TTC29: variants seen among roughly 807,000 people sequenced by gnomAD.
TTC29 encodes the protein tetratricopeptide repeat protein 29.
In TTC29, 49 loss-of-function variants were observed where a neutral mutation model predicts 58.1. That is an observed-to-expected ratio of 0.84 (90% CI 0.67 to 1.07). The LOEUF is 1.07. Among genes scored for constraint, TTC29 ranks in the 50% least tolerant of loss-of-function variants. TTC29 has a pLI of 0.00. For synonymous variants in TTC29, 209 were observed against 196.8 expected (o/e 1.06, Z -0.52); for missense variants, 582 against 555.6 (o/e 1.05, Z -0.48).
At chr4:146,825,123 T>C (rs1212183869) in intron 9 of TTC29, among the ~76,000 whole-genome samples, 2 of 152,168 alleles carry the variant, frequency 1.3e-5, no homozygotes, top group African/African-American at 4.8e-5. Flanking sequence ...GTGATGTTAG[T>C]TATTTCTTGT....
intron 11 of TTC29, among the ~76,000 whole-genome samples, chr4:146,759,379 C>T (rs773789802): frequency 6.6e-6 from 1 of 151,898 alleles, no homozygotes; most frequent in Admixed American, 6.6e-5. Flanking sequence ...GGTACCAATA[C>T]TTCTGACACT....
At chr4:146,916,637 A>T (rs13138511) in intron 4 of TTC29, among the ~76,000 whole-genome samples, 2 of 151,168 alleles carry the variant, frequency 1.3e-5, no homozygotes, top group African/African-American at 4.8e-5. Context: ...AATTTACATG[A>T]TTTCCAATGA....
intron 8 of TTC29, among the ~76,000 whole-genome samples, chr4:146,866,828 T>G (rs1369813795): frequency 6.6e-6 from 1 of 152,166 alleles, no homozygotes; most frequent in Non-Finnish European, 1.5e-5. Context: ...ATTGGATTAT[T>G]ATAAGAGATG....
chr4:146,904,126 T>A (rs892597849), intron 5 of TTC29, among the ~76,000 whole-genome samples: 1 of 152,132 alleles, frequency 6.6e-6, no homozygotes, highest in Admixed American at 6.5e-5. Context: ...ATTCTAGAGA[T>A]GGCAATGTTT....
chr4:146,730,400 G>A (rs559112063), intron 11 of TTC29, among the ~76,000 whole-genome samples: 4 of 152,200 alleles, frequency 2.6e-5, no homozygotes, highest in Non-Finnish European at 4.4e-5. Flanking sequence ...CACAAGTGAG[G>A]AATTCAAGAG....
At chr4:146,931,853 T>A (rs1454380237) in intron 4 of TTC29, among the ~76,000 whole-genome samples, 1 of 152,142 alleles carries the variant, frequency 6.6e-6, no homozygotes, top group South Asian at 2.1e-4. Flanking sequence ...TTTGAGACCA[T>A]TTTTTTGTAC....
At chr4:146,807,617 T>C (rs764200129) in intron 10 of TTC29, among the ~76,000 whole-genome samples, 2 of 152,006 alleles carry the variant, frequency 1.3e-5, no homozygotes, top group Non-Finnish European at 2.9e-5. Context: ...AATACCTCTA[T>C]GCAAATAACT....
Position 146,901,361 on chromosome 4 carries a change from A to G in TTC29, c.586+2183T>C, listed in dbSNP as rs28379047. On this transcript the variant is annotated intron_variant, in intron 6 of 12. Transcript: ENST00000325106. The stretch of plus-strand genomic sequence containing the variant: ...TAACGTGTTAGTGTATGATATATGC[A>G]CCATATAAATATATTTTACATTGTT... Among the ~76,000 whole-genome samples the G allele has an allele frequency of 4.8e-3, 729 of 152,308 alleles. 5 individuals are homozygous for G. Among genetic ancestry groups the G allele is most frequent in the African/African-American group, 0.017 (686 of 41,570 alleles).
chr4:146,713,578 G>A (rs1310329815), intron 11 of TTC29, among the ~76,000 whole-genome samples: 2 of 152,112 alleles, frequency 1.3e-5, no homozygotes, highest in African/African-American at 2.4e-5. Flanking sequence ...TAAGGCAGGA[G>A]ACACTTTCAA....
Position 146,848,389 on chromosome 4 carries a change from G to A in TTC29, c.886-14492C>T, listed in dbSNP as rs1258297993. Among the ~76,000 whole-genome samples the A allele has an allele frequency of 2.0e-5, 3 of 152,154 alleles. No individual in the cohort carries two copies. The South Asian group carries it at 6.2e-4, about 32-fold the overall frequency. ...TAATATTATAAGATGAAGAATGGTA[G>A]GATAAAATGGTAGTTATTATTGCTA... On this transcript the variant is annotated intron_variant, in intron 8 of 12. Transcript: ENST00000325106.
chr4:146,897,119 T>C (rs1732821741), intron 6 of TTC29, among the ~76,000 whole-genome samples: 1 of 152,160 alleles, frequency 6.6e-6, no homozygotes, highest in Admixed American at 6.5e-5. Flanking sequence ...AAGCTTCTTT[T>C]GAAGCCTACA....
At chr4:146,767,411 A>G (rs954999348) in intron 11 of TTC29, among the ~76,000 whole-genome samples, 6 of 151,864 alleles carry the variant, frequency 4.0e-5, no homozygotes, top group Non-Finnish European at 8.8e-5. Flanking sequence ...TTCTCCCCCA[A>G]ATGAAAACTT....
At chr4:146,788,851 G>A (rs1441803272) in intron 11 of TTC29, among the ~76,000 whole-genome samples, 2 of 152,114 alleles carry the variant, frequency 1.3e-5, no homozygotes, top group African/African-American at 4.8e-5. Context: ...AAGGGGAAAG[G>A]AAAGCAGAGG....
chr4:146,715,959 G>T (rs1742899875), intron 11 of TTC29, among the ~76,000 whole-genome samples: 1 of 152,072 alleles, frequency 6.6e-6, no homozygotes, highest in Non-Finnish European at 1.5e-5. Flanking sequence ...ATGATCTAAT[G>T]TCACTTGAAG....
chr4:146,730,215 G>T (rs1021611541), intron 11 of TTC29, among the ~76,000 whole-genome samples: 2 of 151,808 alleles, frequency 1.3e-5, no homozygotes, highest in African/African-American at 2.4e-5. Context: ...TAAATCCTGG[G>T]ATACTACACA....
At chr4:146,896,646 T>C (rs1361084089) in intron 6 of TTC29, among the ~76,000 whole-genome samples, 1 of 152,166 alleles carries the variant, frequency 6.6e-6, no homozygotes, top group Non-Finnish European at 1.5e-5. Flanking sequence ...TTTCCAATTA[T>C]TGTGTATTCT....
intron 6 of TTC29, among the ~76,000 whole-genome samples, chr4:146,879,402 G>A (rs1455056575): frequency 2.8e-5 from 4 of 144,098 alleles, no homozygotes; most frequent in African/African-American, 8.5e-5. Context: ...TCTGAGTAAC[G>A]GTTCTGATAT....
At chr4:146,870,227 G>T (rs971133658) in intron 7 of TTC29, among the ~76,000 whole-genome samples, 5 of 151,914 alleles carry the variant, frequency 3.3e-5, no homozygotes, top group Admixed American at 2.0e-4. Flanking sequence ...AAACTTGCAC[G>T]TATGTGGAAA....
chr4:146,904,338 C>A (rs900955677), intron 5 of TTC29, among the ~76,000 whole-genome samples: 1 of 152,096 alleles, frequency 6.6e-6, no homozygotes, highest in Admixed American at 6.6e-5. Flanking sequence ...TAGACTTCTA[C>A]GCTTCTGTTT....
Sources: gnomAD v4.1 joint callset for allele counts (sites outside exome capture counted in the v4.1 genomes callset) on GRCh38, gnomAD v4.1.1 for gene constraint, MANE v1.5 for transcripts, NCBI Gene and HGNC (gene_info 2026-07-23, HGNC 2026-07-21) for gene names.